The following CEP192 variants were observed in gnomAD, a reference collection of about 807,000 sequenced individuals.
The protein encoded by CEP192 is centrosomal protein 192, also known as centrosomal protein of 192 kDa.
A neutral mutation model predicts 271.8 loss-of-function variants in CEP192; 151 were observed. The observed-to-expected ratio is 0.56, with a 90% CI of 0.49 to 0.64. The LOEUF (loss-of-function observed/expected upper bound fraction) is 0.64. Ranked by LOEUF, CEP192 falls within the 30% of genes least tolerant of loss-of-function variation. The pLI is 0.00. For missense variants in CEP192, 2,910 were observed against 3,020.5 expected, an observed-to-expected ratio of 0.96 and a Z score of 0.86; for synonymous variants, 995 against 1,076.5, an observed-to-expected ratio of 0.92 and a Z score of 1.48.
intron 26 of CEP192, 30 bp downstream of exon 26, chr18:13,069,211 T>G: frequency 6.4e-7 from 1 of 1,563,586 alleles, no homozygotes; most frequent in Non-Finnish European, 8.8e-7. Flanking sequence ...TGCCATAAGA[T>G]AGTCTTTCCT....
intron 44 of CEP192, among the ~76,000 whole-genome samples, chr18:13,122,961 T>C (rs1057017174): frequency 6.6e-5 from 10 of 152,222 alleles, no homozygotes; most frequent in Admixed American, 1.3e-4. Flanking sequence ...GTTGTGGTTC[T>C]TTCTAAATTG....
At chr18:13,042,169 A>G (rs770046132) in intron 14 of CEP192, 35 bp from the exon 15 acceptor site, 4 of 1,574,896 alleles carry the variant, frequency 2.5e-6, no homozygotes, top group Non-Finnish European at 3.5e-6. Context: ...CAAATAGTGT[A>G]TACTTATAAG....
intron 39 of CEP192, 61 bp from the exon 40 acceptor site, chr18:13,104,923 C>T (rs972442277): frequency 5.8e-6 from 7 of 1,215,694 alleles, no homozygotes; most frequent in Non-Finnish European, 8.6e-6. Context: ...GTAATAGTGT[C>T]TCTGTGGGAT....
At chr18:13,007,038 TCTGA>T (rs2145854749) in intron 3 of CEP192, among the ~76,000 whole-genome samples, 1 of 152,310 alleles carries the variant, frequency 6.6e-6, no homozygotes, top group Admixed American at 6.5e-5. Flanking sequence ...CTGCCCTCTT[TCTGA>T]CTGTAGTCAA....
intron 1 of CEP192, among the ~76,000 whole-genome samples, chr18:12,998,043 T>C (rs2033371216): frequency 6.6e-6 from 1 of 152,184 alleles, no homozygotes; most frequent in South Asian, 2.1e-4. Context: ...TCTTTAGTGG[T>C]CATAAAACTT....
intron 41 of CEP192, 68 bp from the exon 42 acceptor site, chr18:13,114,058 CAAAT>C: frequency 6.7e-7 from 1 of 1,496,544 alleles, no homozygotes; most frequent in South Asian, 1.3e-5. Flanking sequence ...TGATAGAATT[CAAAT>C]AAGTAAATGT....
intron 37 of CEP192, among the ~76,000 whole-genome samples, chr18:13,099,812 G>A (rs2039621681): frequency 1.3e-5 from 2 of 152,178 alleles, no homozygotes; most frequent in African/African-American, 4.8e-5. Flanking sequence ...CATTTACACT[G>A]CATTAGCTAT....
chr18:13,063,890 G>A (rs1787009), intron 21 of CEP192, among the ~76,000 whole-genome samples: 5,006 of 149,512 alleles, frequency 0.033, 279 homozygotes, highest in African/African-American at 0.12. Context: ...GCGTGATCTC[G>A]GCTCACTGCA....
chr18:13,028,711 G>A (rs2143498900), intron 9 of CEP192, among the ~76,000 whole-genome samples: 1 of 152,072 alleles, frequency 6.6e-6, no homozygotes, highest in Admixed American at 6.5e-5. Flanking sequence ...GTAGAGATGG[G>A]GTTTCACCAT....
chr18:13,012,947 C>T (rs762087792), intron 4 of CEP192, 26 bp from the exon 5 acceptor site: 33 of 1,358,518 alleles, frequency 2.4e-5, no homozygotes, highest in Admixed American at 2.2e-4. Context: ...CCTGGTCTCT[C>T]AGTTTGTTTT....
At chr18:13,102,257 C>G (rs1296738902) in intron 38 of CEP192, among the ~76,000 whole-genome samples, 2 of 152,030 alleles carry the variant, frequency 1.3e-5, no homozygotes, top group Non-Finnish European at 2.9e-5. Flanking sequence ...CCCTGAGACT[C>G]AGTGAAAGGC....
chr18:13,033,625 C>T (rs139467824), intron 11 of CEP192, among the ~76,000 whole-genome samples: 1 of 152,306 alleles, frequency 6.6e-6, no homozygotes, highest in African/African-American at 2.4e-5. Context: ...TCATTACTTG[C>T]AGCATTGTCT....
At chr18:12,993,555 T>A (rs2033014848) in intron 1 of CEP192, among the ~76,000 whole-genome samples, 2 of 152,202 alleles carry the variant, frequency 1.3e-5, no homozygotes, top group South Asian at 4.1e-4. Context: ...TGGTCATAGC[T>A]CACTGCAGCC....
At chr18:13,031,625 A>C (rs2035638128) in intron 11 of CEP192, among the ~76,000 whole-genome samples, 3 of 152,112 alleles carry the variant, frequency 2.0e-5, no homozygotes, top group African/African-American at 7.2e-5. Context: ...TTCTTTAAGA[A>C]AGTCTTGTAA....
At chr18:13,086,910 A>T in intron 30 of CEP192, 107 bp from the exon 31 acceptor site, 1 of 774,928 alleles carries the variant, frequency 1.3e-6, no homozygotes, top group Non-Finnish European at 2.0e-6. Flanking sequence ...ACAAACATTT[A>T]AATTTTTAAT....
chr18:13,067,544 G>T (rs67765196), intron 21 of CEP192, among the ~76,000 whole-genome samples: 20,442 of 152,022 alleles, frequency 0.13, 1,525 homozygotes, highest in East Asian at 0.31. Flanking sequence ...ATTGAAAAGG[G>T]GTCTATAATT....
intron 1 of CEP192, among the ~76,000 whole-genome samples, chr18:12,997,357 C>T (rs930827153): frequency 6.6e-6 from 1 of 152,022 alleles, no homozygotes; most frequent in East Asian, 1.9e-4. Flanking sequence ...TTAAGGATTT[C>T]GTGGGGCGGC....
chr18:13,111,957 T>TA lies in CEP192; in HGVS notation c.7048-1622dup, dbSNP rs371326609. 4.7e-4 allele frequency among the ~76,000 whole-genome samples: 72 copies of TA among 152,250 alleles called. 2 individuals are homozygous for TA. Among genetic ancestry groups the TA allele is most frequent in the African/African-American group, 1.5e-3 (62 of 41,540 alleles). On this transcript the variant is annotated intron_variant, in intron 40 of 44. Coordinates refer to ENST00000506447, the MANE Select transcript of CEP192 (RefSeq NM_032142.4). ...TACCCACTAAGATGGCTGTGAGTTT[T>TA]AAAAAAACAGAAAATAACAGGTGTT...
At chr18:13,052,091 T>A (rs1429322573) in intron 17 of CEP192, among the ~76,000 whole-genome samples, 1 of 152,220 alleles carries the variant, frequency 6.6e-6, no homozygotes, top group Non-Finnish European at 1.5e-5. Context: ...AGAGGTGCAG[T>A]CCGTTTCCTG....
Sources: gnomAD v4.1 joint callset for allele counts (sites outside exome capture counted in the v4.1 genomes callset) on GRCh38, gnomAD v4.1.1 for gene constraint, MANE v1.5 for transcripts, NCBI Gene and HGNC (gene_info 2026-07-23, HGNC 2026-07-21) for gene names.